MGMT: variants seen among roughly 807,000 people sequenced by gnomAD.
MGMT encodes the protein methylated-DNA--protein-cysteine methyltransferase.
In MGMT, 14 loss-of-function variants were observed where a neutral mutation model predicts 15.9. The observed-to-expected ratio is 0.88, with a 90% CI of 0.58 to 1.37. The LOEUF (loss-of-function observed/expected upper bound fraction) is 1.37, where lower values mean the gene tolerates loss of function less well. MGMT is among the 40% of genes most tolerant of loss of function. The pLI is 0.00. For missense variants in MGMT, 282 were observed against 268.1 expected (o/e 1.05, Z -0.36); for synonymous variants, 130 against 118.2 (o/e 1.10, Z -0.65).
chr10:129,579,499 G>A (rs1428135944), intron 2 of MGMT, among the ~76,000 whole-genome samples: 3 of 152,366 alleles, frequency 2.0e-5, no homozygotes, highest in South Asian at 2.1e-4. Context: ...CCCATGCTCC[G>A]TGCCTCCATG....
intron 2 of MGMT, among the ~76,000 whole-genome samples, chr10:129,646,754 A>ATATATATTTTTTTTTT: frequency 3.8e-4 from 33 of 86,650 alleles, no homozygotes; most frequent in African/African-American, 1.2e-3. Context: ...ATATATATAT[A>ATATATATTTTTTTTTT]TTTTCAGGGA....
intron 1 of MGMT, among the ~76,000 whole-genome samples, chr10:129,523,928 G>A (rs955384610): frequency 9.8e-5 from 15 of 152,304 alleles, no homozygotes; most frequent in African/African-American, 3.6e-4. Context: ...AGAGACTGGC[G>A]GGGTCCCAGC....
intron 2 of MGMT, among the ~76,000 whole-genome samples, chr10:129,631,629 C>A (rs1194043392): frequency 6.6e-6 from 1 of 152,108 alleles, no homozygotes; most frequent in African/African-American, 2.4e-5. Context: ...TCAGGACCAG[C>A]CTGGGCAACA....
intron 1 of MGMT, among the ~76,000 whole-genome samples, chr10:129,512,108 A>G (rs1447464585): frequency 6.6e-6 from 1 of 152,186 alleles, no homozygotes; most frequent in Non-Finnish European, 1.5e-5. Flanking sequence ...TGGGGGGCGC[A>G]GAAAGAAACA....
intron 1 of MGMT, among the ~76,000 whole-genome samples, chr10:129,490,347 G>T (rs537551789): frequency 3.5e-4 from 53 of 152,236 alleles, no homozygotes; most frequent in African/African-American, 1.2e-3. Context: ...AATTATTAAT[G>T]TTAAGCTATC....
chr10:129,554,217 G>A lies in MGMT; in HGVS notation c.125+17840G>A, dbSNP rs535020791. On this transcript the variant is annotated intron_variant, in intron 2 of 4. Transcript: ENST00000651593. Reference sequence around the variant, plus strand: ...CCGTGAGCAGCACGCAGGTGATGACGGGTCATACGCCATCTGGGGACTTGA... The same window carrying A: ...CCGTGAGCAGCACGCAGGTGATGACAGGTCATACGCCATCTGGGGACTTGA... 1.1e-4 allele frequency among the ~76,000 whole-genome samples: 16 copies of A among 152,338 alleles called. No individual in the cohort carries two copies. In the South Asian group the frequency reaches 1.7e-3, roughly 16 times the overall value.
At chr10:129,474,358 G>A (rs1360155613) in intron 1 of MGMT, among the ~76,000 whole-genome samples, 1 of 152,232 alleles carries the variant, frequency 6.6e-6, no homozygotes, top group Non-Finnish European at 1.5e-5. Flanking sequence ...AGGAGGTATA[G>A]CTGGGGTCAA....
At chr10:129,754,071 G>A (rs1166495969) in intron 3 of MGMT, among the ~76,000 whole-genome samples, 1 of 152,124 alleles carries the variant, frequency 6.6e-6, no homozygotes, top group Non-Finnish European at 1.5e-5. Flanking sequence ...TTGGGAACTG[G>A]CAGTGCCGAA....
intron 2 of MGMT, among the ~76,000 whole-genome samples, chr10:129,616,885 A>G (rs937468393): frequency 4.6e-5 from 7 of 152,236 alleles, no homozygotes; most frequent in Admixed American, 3.3e-4. Flanking sequence ...GGAGGTGGTC[A>G]TGGTCACTCG....
intron 1 of MGMT, among the ~76,000 whole-genome samples, chr10:129,473,164 A>G (rs1845251528): frequency 6.6e-6 from 1 of 152,246 alleles, no homozygotes; most frequent in African/African-American, 2.4e-5. Flanking sequence ...AGGAACCAGC[A>G]GTGACACCAG....
At chr10:129,695,997 C>T (rs901380390) in intron 2 of MGMT, among the ~76,000 whole-genome samples, 11 of 152,142 alleles carry the variant, frequency 7.2e-5, no homozygotes, top group African/African-American at 2.7e-4. Flanking sequence ...TCCTCGCGGT[C>T]TTACGGTATG....
intron 2 of MGMT, among the ~76,000 whole-genome samples, chr10:129,574,816 A>G (rs1390355053): frequency 6.6e-6 from 1 of 152,216 alleles, no homozygotes; most frequent in Non-Finnish European, 1.5e-5. Flanking sequence ...AGAAATTATT[A>G]AAAATATTGC....
intron 2 of MGMT, among the ~76,000 whole-genome samples, chr10:129,632,242 G>A (rs185530374): frequency 3.3e-5 from 5 of 152,282 alleles, no homozygotes; most frequent in Non-Finnish European, 7.4e-5. Flanking sequence ...TGGTTATTTA[G>A]CTTACTTTCA....
At chr10:129,715,896 T>A (rs1228869420) in intron 3 of MGMT, among the ~76,000 whole-genome samples, 1 of 152,208 alleles carries the variant, frequency 6.6e-6, no homozygotes, top group African/African-American at 2.4e-5. Context: ...CATGAGTCTC[T>A]GTCCCTCTTT....
At chr10:129,684,676 C>T (rs1847886695) in intron 2 of MGMT, among the ~76,000 whole-genome samples, 1 of 152,142 alleles carries the variant, frequency 6.6e-6, no homozygotes, top group Non-Finnish European at 1.5e-5. Context: ...AGATGAGCAC[C>T]ACCTAGCTCA....
intron 2 of MGMT, among the ~76,000 whole-genome samples, chr10:129,629,413 G>A (rs939683255): frequency 1.5e-4 from 23 of 152,228 alleles, no homozygotes; most frequent in Middle Eastern, 6.8e-3. Context: ...TTCATTGTCC[G>A]TGGTAGTACA....
chr10:129,663,426 C>T (rs1328611515), intron 2 of MGMT, among the ~76,000 whole-genome samples: 1 of 151,572 alleles, frequency 6.6e-6, no homozygotes, highest in Non-Finnish European at 1.5e-5. Flanking sequence ...ATACCAAACT[C>T]AGAAAACTAT....
At chr10:129,600,429 G>A (rs536967110) in intron 2 of MGMT, among the ~76,000 whole-genome samples, 22 of 152,322 alleles carry the variant, frequency 1.4e-4, no homozygotes, top group Non-Finnish European at 1.5e-5. Context: ...AATGTTTGGG[G>A]AATGCATTCA....
At chr10:129,582,879 T>C (rs937481697) in intron 2 of MGMT, among the ~76,000 whole-genome samples, 7 of 152,202 alleles carry the variant, frequency 4.6e-5, no homozygotes, top group Admixed American at 4.6e-4. Flanking sequence ...ATTTCTTTTT[T>C]AGAGAAAAGA....
Sources: allele counts gnomAD v4.1 joint callset (sites outside exome capture counted in the v4.1 genomes callset), GRCh38; gene constraint gnomAD v4.1.1; transcripts MANE v1.5; gene names NCBI Gene and HGNC (gene_info 2026-07-23, HGNC 2026-07-21).